The following SLC18A3 variants were observed in gnomAD, a reference collection of about 807,000 sequenced individuals.
SLC18A3 encodes the protein vesicular acetylcholine transporter.
SLC18A3 carries 18 observed loss-of-function variants against 24.2 expected under a neutral mutation model. The observed-to-expected ratio is 0.74, with a 90% CI of 0.51 to 1.10. SLC18A3 has a LOEUF of 1.10. SLC18A3 is among the 50% of genes least tolerant of loss of function. The pLI is 0.00. For missense variants in SLC18A3, 744 were observed against 750.7 expected (o/e 0.99, Z 0.10); for synonymous variants, 415 against 355.4 (o/e 1.17, Z -1.89).
At position 49,610,823 on chromosome 10, in the gene SLC18A3, C is replaced by T. The variant is rs1484304020; in HGVS notation, c.83C>T (p.Pro28Leu). The T allele has an allele frequency of 2.5e-6, 4 of 1,606,072 alleles. No homozygotes were observed. Among genetic ancestry groups the T allele is most frequent in the Non-Finnish European group, 2.5e-6 (3 of 1,176,618 alleles). ...SEAVGAALQE[P>L]RRQRRLVLVI... ...GCTGTGGGCGCGGCGCTGCAGGAGC[C>T]CCGGCGGCAGAGGCGCCTGGTGCTT... The change falls in exon 1 of 1, where the codon CCC (proline) becomes CTC (leucine). Residue 28 changes from proline to leucine, a missense_variant. Pro to Leu is a moderately conservative substitution (Grantham distance 98). Transcript: ENST00000374115.
Position 49,611,463 on chromosome 10 carries a change from G to A in SLC18A3, c.723G>A (p.Lys241=). The change falls in exon 1 of 1, where the codon AAG becomes AAA. Residue 241 remains lysine, a synonymous_variant. Transcript: ENST00000374115. ...GCATCCTCTATGAGTTCGCCGGCAAGCGCGTGCCCTTCTTGGTGCTAGCTG... is the reference window on the plus strand; with the variant it reads ...GCATCCTCTATGAGTTCGCCGGCAAACGCGTGCCCTTCTTGGTGCTAGCTG... ...FGGILYEFAG[K]RVPFLVLAAV... is the part of the protein sequence containing the mutation. The A allele has an allele frequency of 1.3e-6, 2 of 1,598,984 alleles. No homozygotes were observed. The highest frequency in any genetic ancestry group is 1.3e-5 in the African/African-American group (1 of 75,034).
At position 49,612,000 on chromosome 10, in the gene SLC18A3, C is replaced by G; in HGVS notation, c.1260C>G (p.Val420=). 1 of 1,613,808 alleles carries G rather than the reference C, an allele frequency of 6.2e-7. No individual in the cohort carries two copies. Among genetic ancestry groups the G allele is most frequent in the Non-Finnish European group, 8.5e-7 (1 of 1,180,012 alleles). Reference sequence around the variant, plus strand: ...GCCATGTCTCAGTCTATGGCAGCGTCTACGCCATCGCCGACATCTCCTATT... The same window carrying G: ...GCCATGTCTCAGTCTATGGCAGCGTGTACGCCATCGCCGACATCTCCTATT... ...DVRHVSVYGS[V]YAIADISYSV... Residue 420 remains valine (V), a synonymous_variant, in exon 1 of 1, where the codon GTC becomes GTG. Coordinates refer to ENST00000374115, the MANE Select transcript of SLC18A3 (RefSeq NM_003055.3).
In SLC18A3 at chr10:49,612,619, C is replaced by A; in HGVS notation, c.*280C>A. On this transcript the variant is annotated 3_prime_UTR_variant, in exon 1 of 1. Transcript: ENST00000374115. The stretch of plus-strand genomic sequence containing the variant: ...CCACCTGCGGCTCCCCTGTGTAGAG[C>A]CTGCATCTGTCTGTCCTTCCTTCCA... 1 of 430,180 alleles carries A rather than the reference C, an allele frequency of 2.3e-6. No individual in the cohort carries two copies. Among genetic ancestry groups the A allele is most frequent in the Non-Finnish European group, 4.2e-6 (1 of 235,434 alleles). 26.6% of individuals were successfully genotyped at this position (430,180 alleles called of 1,614,324 possible).
chr10:49,610,795 G>A lies in SLC18A3; in HGVS notation c.55G>A (p.Glu19Lys). 1.3e-6 allele frequency: 2 copies of A among 1,588,150 alleles called. No individual in the cohort carries two copies. The highest frequency in any genetic ancestry group is 1.7e-6 in the Non-Finnish European group (2 of 1,167,900). ...CCGGGCGGCGGCCACCAAGCTGTCGGAGGCTGTGGGCGCGGCGCTGCAGGA... is the reference window on the plus strand; with the variant it reads ...CCGGGCGGCGGCCACCAAGCTGTCGAAGGCTGTGGGCGCGGCGCTGCAGGA... ...QARAAATKLSEAVGAALQEPR... is the reference protein window; with the variant it reads ...QARAAATKLSKAVGAALQEPR... The change falls in exon 1 of 1, where the codon GAG becomes AAG. Residue 19 changes from glutamate (E) to lysine (K), a missense_variant. Physicochemically the swap from Glu to Lys is moderately conservative, Grantham distance 56. Coordinates refer to ENST00000374115, the MANE Select transcript of SLC18A3 (RefSeq NM_003055.3).
At position 49,611,146 on chromosome 10, in the gene SLC18A3, C is replaced by G; in HGVS notation, c.406C>G (p.Leu136Val). 2 of 1,614,180 alleles carry G rather than the reference C, an allele frequency of 1.2e-6. No individual in the cohort carries two copies. The highest frequency in any genetic ancestry group is 1.7e-6 in the Non-Finnish European group (2 of 1,180,000). ...GTTTGCTTCCAAGGCTATCCTGCAG[C>G]TGCTAGTGAACCCCTTGAGCGGGCC... Reference protein sequence around the residue: ...VLFASKAILQLLVNPLSGPFI... With the variant: ...VLFASKAILQVLVNPLSGPFI... The change falls in exon 1 of 1, where the codon CTG becomes GTG. Residue 136 changes from leucine (L) to valine (V), a missense_variant. By Grantham distance (32) the Leu-to-Val change is conservative. Around this residue, in one of 3 missense-constraint regions of SLC18A3, gnomAD observed 566 missense variants for 566.2 expected, o/e 1.00. Coordinates refer to ENST00000374115, the MANE Select transcript of SLC18A3 (RefSeq NM_003055.3).
In SLC18A3 at chr10:49,610,938, G is replaced by A. The variant is rs1838276818; in HGVS notation, c.198G>A (p.Gly66=). 2.5e-6 allele frequency: 4 copies of A among 1,610,428 alleles called. No homozygotes were observed. The South Asian group carries it at 3.3e-5, about 13-fold the overall frequency. The change falls in exon 1 of 1, where the codon GGG becomes GGA. Residue 66 remains glycine, a synonymous_variant. Coordinates refer to ENST00000374115, the MANE Select transcript of SLC18A3 (RefSeq NM_003055.3). ...CCGACTACATCGCCCACATGCGCGGGGGCGGCGAGGGCCCCACCCGGACTC... is the reference window on the plus strand; with the variant it reads ...CCGACTACATCGCCCACATGCGCGGAGGCGGCGAGGGCCCCACCCGGACTC... ...IVPDYIAHMR[G]GGEGPTRTPE... is the part of the protein sequence containing the mutation.
Position 49,610,406 on chromosome 10 carries a change from C to T in SLC18A3, c.-335C>T. 1 of 285,018 alleles carries T rather than the reference C, an allele frequency of 3.5e-6. No individual in the cohort carries two copies. The highest frequency in any genetic ancestry group is 1.6e-4 in the South Asian group (1 of 6,150). The allele number at this position is 285,018 out of a possible 1,614,324, so 17.7% of individuals were successfully genotyped here. On this transcript the variant is annotated 5_prime_UTR_variant, in exon 1 of 1. Coordinates refer to ENST00000374115, the MANE Select transcript of SLC18A3 (RefSeq NM_003055.3). The stretch of plus-strand genomic sequence containing the variant: ...CATGTCCCTCGGCCAGCGCGGGCGG[C>T]CTCTTAGCGCGGCGGGGGCTGCTCT...
At position 49,612,307 on chromosome 10, in the gene SLC18A3, G is replaced by A. The variant is rs1838322864; in HGVS notation, c.1567G>A (p.Asp523Asn). ...GCCTGGCCCTTTTGATGCGTGCGAG[G>A]ACGACTACAACTACTACTACACCCG... ...SPPGPFDACEDDYNYYYTRS is the reference protein window; with the variant it reads ...SPPGPFDACENDYNYYYTRS The change falls in exon 1 of 1, where the codon GAC (aspartate) becomes AAC (asparagine). Residue 523 changes from aspartate to asparagine, a missense_variant. Asp to Asn is a conservative substitution (Grantham distance 23). Around this residue, in one of 3 missense-constraint regions of SLC18A3, gnomAD observed 160 missense variants for 140.9 expected, o/e 1.14. Transcript: ENST00000374115. The A allele has an allele frequency of 6.2e-7, 1 of 1,607,656 alleles. No homozygotes were observed. The highest frequency in any genetic ancestry group is 1.3e-5 in the African/African-American group (1 of 74,788).
At position 49,610,720 on chromosome 10, in the gene SLC18A3, G is replaced by T; in HGVS notation, c.-21G>T. 6.8e-7 allele frequency: 1 copy of T among 1,477,578 alleles called. No homozygotes were observed. The highest frequency in any genetic ancestry group is 8.9e-7 in the Non-Finnish European group (1 of 1,118,952). 91.5% of individuals were successfully genotyped at this position (1,477,578 alleles called of 1,614,324 possible). A position where few individuals can be genotyped will look rare whatever the true frequency, so the allele number is the denominator to read the frequency against. ...CTCGGCCCTGGCGGAGGCGTCCTCGGAAGAGCATCGGGGTGGGGGCATGGA... is the reference window on the plus strand; with the variant it reads ...CTCGGCCCTGGCGGAGGCGTCCTCGTAAGAGCATCGGGGTGGGGGCATGGA... On this transcript the variant is annotated 5_prime_UTR_variant, in exon 1 of 1. Coordinates refer to ENST00000374115, the MANE Select transcript of SLC18A3 (RefSeq NM_003055.3).
chr10:49,611,053 T>C lies in SLC18A3; in HGVS notation c.313T>C (p.Trp105Arg), dbSNP rs1459699322. 1 of 1,614,036 alleles carries C rather than the reference T, an allele frequency of 6.2e-7. No homozygotes were observed. Among genetic ancestry groups the C allele is most frequent in the South Asian group, 1.1e-5 (1 of 91,086 alleles). Residue 105 changes from tryptophan (W) to arginine (R), a missense_variant, in exon 1 of 1, where the codon TGG (tryptophan) becomes CGG (arginine). Physicochemically the swap from Trp to Arg is moderately radical, Grantham distance 101. Around this residue, in one of 3 missense-constraint regions of SLC18A3, gnomAD observed 566 missense variants for 566.2 expected, o/e 1.00. Transcript: ENST00000374115. Reference protein sequence around the residue: ...ANTSASPTAAWPAGSALRPRY... With the variant: ...ANTSASPTAARPAGSALRPRY... ...CACCTCGGCGTCCCCGACAGCTGCG[T>C]GGCCAGCGGGCTCAGCCCTTCGGCC...
chr10:49,611,682 G>T lies in SLC18A3; in HGVS notation c.942G>T (p.Thr314=). 6.2e-7 allele frequency: 1 copy of T among 1,610,760 alleles called. No homozygotes were observed. Residue 314 remains threonine (T), a synonymous_variant, in exon 1 of 1, where the codon ACG becomes ACT. Coordinates refer to ENST00000374115, the MANE Select transcript of SLC18A3 (RefSeq NM_003055.3). ...PLAFLEPTIA[T]WMKHTMAASE... ...CCTTCCTCGAACCCACCATTGCCAC[G>T]TGGATGAAGCATACGATGGCGGCTT...
In SLC18A3 at chr10:49,610,690, C is replaced by T; in HGVS notation, c.-51C>T. On this transcript the variant is annotated 5_prime_UTR_variant, in exon 1 of 1. Transcript: ENST00000374115. ...CCCTCGCCTCTGCACTGCGGGACGCCAGCGCTCGGCCCTGGCGGAGGCGTC... is the reference window on the plus strand; with the variant it reads ...CCCTCGCCTCTGCACTGCGGGACGCTAGCGCTCGGCCCTGGCGGAGGCGTC... 1 of 1,446,682 alleles carries T rather than the reference C, an allele frequency of 6.9e-7. No individual in the cohort carries two copies. The highest frequency in any genetic ancestry group is 9.0e-7 in the Non-Finnish European group (1 of 1,105,500). 89.6% of individuals were successfully genotyped at this position (1,446,682 alleles called of 1,614,324 possible).
chr10:49,611,506 G>T lies in SLC18A3; in HGVS notation c.766G>T (p.Ala256Ser). ...GCTAGCTGCCGTGTCGCTCTTTGAC[G>T]CGCTGTTGCTGCTGGCAGTGGCCAA... ...LVLAAVSLFD[A>S]LLLLAVAKPF... is the part of the protein sequence containing the mutation. The change falls in exon 1 of 1, where the codon GCG (alanine) becomes TCG (serine). Residue 256 changes from alanine to serine, a missense_variant. Around this residue, in one of 3 missense-constraint regions of SLC18A3, gnomAD observed 566 missense variants for 566.2 expected, o/e 1.00. Coordinates refer to ENST00000374115, the MANE Select transcript of SLC18A3 (RefSeq NM_003055.3). The T allele has an allele frequency of 1.2e-6, 2 of 1,600,966 alleles. No individual in the cohort carries two copies. Among genetic ancestry groups the T allele is most frequent in the South Asian group, 1.1e-5 (1 of 91,072 alleles).
Position 49,611,796 on chromosome 10 carries a change from C to T in SLC18A3, c.1056C>T (p.Tyr352=). 2 of 1,603,346 alleles carry T rather than the reference C, an allele frequency of 1.2e-6. No individual in the cohort carries two copies. Among genetic ancestry groups the T allele is most frequent in the East Asian group, 4.5e-5 (2 of 44,874 alleles). The change falls in exon 1 of 1, where the codon TAC becomes TAT. Residue 352 remains tyrosine, a synonymous_variant. Transcript: ENST00000374115. ...VYLTVRLAAR[Y]PHLQWLYGAL... ...TCACCGTGCGCCTGGCGGCGCGCTA[C>T]CCACACCTGCAGTGGCTGTACGGCG... is the stretch of plus-strand genomic sequence containing the variant.
chr10:49,612,332 G>T lies in SLC18A3; in HGVS notation c.1592G>T (p.Arg531Leu), dbSNP rs1454924192. The change falls in exon 1 of 1, where the codon CGC (arginine) becomes CTC (leucine). Residue 531 changes from arginine to leucine, a missense_variant. Arg to Leu is a moderately radical substitution (Grantham distance 102). Transcript: ENST00000374115. ...GACGACTACAACTACTACTACACCC[G>T]CAGCTAGCATCCCCACTCCTCCTCC... ...CEDDYNYYYT[R>L]S 3 of 1,584,140 alleles carry T rather than the reference G, an allele frequency of 1.9e-6. No individual in the cohort carries two copies. The highest frequency in any genetic ancestry group is 2.6e-6 in the Non-Finnish European group (3 of 1,161,174).
In SLC18A3 at chr10:49,611,769, C is replaced by T. The variant is rs1838303977; in HGVS notation, c.1029C>T (p.Tyr343=). The change falls in exon 1 of 1, where the codon TAC becomes TAT. Residue 343 remains tyrosine (Y), a synonymous_variant. Transcript: ENST00000374115. The part of the protein sequence containing the change: ...PAFVPHVLGV[Y]LTVRLAARYP... Reference sequence around the variant, plus strand: ...TCGTGCCTCATGTGCTGGGCGTCTACCTCACCGTGCGCCTGGCGGCGCGCT... The same window carrying T: ...TCGTGCCTCATGTGCTGGGCGTCTATCTCACCGTGCGCCTGGCGGCGCGCT... 2.1e-5 allele frequency: 34 copies of T among 1,603,350 alleles called. No homozygotes were observed. The highest frequency in any genetic ancestry group is 2.3e-5 in the Non-Finnish European group (27 of 1,179,902).
rs774107266 is a variant in SLC18A3 at position 49,611,802 on chromosome 10, C to T, written c.1062C>T (p.His354=). The T allele has an allele frequency of 2.5e-6, 4 of 1,603,406 alleles. No individual in the cohort carries two copies. Among genetic ancestry groups the T allele is most frequent in the African/African-American group, 1.3e-5 (1 of 74,950 alleles). Residue 354 remains histidine, a synonymous_variant, in exon 1 of 1, where the codon CAC becomes CAT. Coordinates refer to ENST00000374115, the MANE Select transcript of SLC18A3 (RefSeq NM_003055.3). ...LTVRLAARYP[H]LQWLYGALGL... ...TGCGCCTGGCGGCGCGCTACCCACA[C>T]CTGCAGTGGCTGTACGGCGCGCTTG...
At position 49,611,314 on chromosome 10, in the gene SLC18A3, G is replaced by A; in HGVS notation, c.574G>A (p.Ala192Thr). 1.2e-6 allele frequency: 2 copies of A among 1,605,882 alleles called. No individual in the cohort carries two copies. Among genetic ancestry groups the A allele is most frequent in the East Asian group, 2.2e-5 (1 of 44,860 alleles). The change falls in exon 1 of 1, where the codon GCC (alanine) becomes ACC (threonine). Residue 192 changes from alanine to threonine, a missense_variant. Physicochemically the swap from Ala to Thr is moderately conservative, Grantham distance 58. Coordinates refer to ENST00000374115, the MANE Select transcript of SLC18A3 (RefSeq NM_003055.3). ...CCTGCAGGGCCTGGGCTCAGCCTTCGCCGACACGTCTGGCATAGCCATGAT... is the reference window on the plus strand; with the variant it reads ...CCTGCAGGGCCTGGGCTCAGCCTTCACCGACACGTCTGGCATAGCCATGAT... ...RSLQGLGSAFADTSGIAMIAD... is the reference protein window; with the variant it reads ...RSLQGLGSAFTDTSGIAMIAD...
Position 49,611,436 on chromosome 10 carries a change from G to A in SLC18A3, c.696G>A (p.Gly232=). 6.3e-7 allele frequency: 1 copy of A among 1,597,968 alleles called. No homozygotes were observed. The highest frequency in any genetic ancestry group is 1.1e-5 in the South Asian group (1 of 90,750). ...SFGSLVAPPF[G]GILYEFAGKR... is the part of the protein sequence containing the mutation. ...GAAGCCTAGTGGCCCCGCCCTTCGG[G>A]GGCATCCTCTATGAGTTCGCCGGCA... The change falls in exon 1 of 1, where the codon GGG becomes GGA. Residue 232 remains glycine, a synonymous_variant. Transcript: ENST00000374115.
Sources: allele counts gnomAD v4.1 joint callset, GRCh38; gene constraint gnomAD v4.1.1; regional missense constraint gnomAD v4.1.1; transcripts MANE v1.5; gene names NCBI Gene and HGNC (gene_info 2026-07-23, HGNC 2026-07-21).